PCDHGB6: variants seen among roughly 807,000 people sequenced by gnomAD.
The protein encoded by PCDHGB6 is protocadherin gamma subfamily B, 6.
In PCDHGB6, 51 loss-of-function variants were observed where a neutral mutation model predicts 59.1. That is an observed-to-expected ratio of 0.86 (90% CI 0.69 to 1.09). PCDHGB6 has a LOEUF of 1.09. PCDHGB6 is among the 50% of genes least tolerant of loss of function. The probability of loss-of-function intolerance (pLI) is 0.00; values close to 1 mark genes in which losing one functional copy is unlikely to be tolerated. For synonymous variants in PCDHGB6, 466 were observed against 495.1 expected, an observed-to-expected ratio of 0.94 and a Z score of 0.78; for missense variants, 1,148 against 1,205.1, an observed-to-expected ratio of 0.95 and a Z score of 0.70.
chr5:141,422,686 C>T, intron 1 of PCDHGB6: 1 of 1,605,000 alleles, frequency 6.2e-7, no homozygotes, highest in East Asian at 2.2e-5. Flanking sequence ...ACAGAATGCC[C>T]TGGTCACTTA....
Position 141,489,765 on chromosome 5 carries a change from C to A in PCDHGB6, c.2419-5042C>A. On this transcript the variant is annotated intron_variant, in intron 1 of 3. Transcript: ENST00000520790. The surrounding 1 kb of genome is among the most constrained non-coding windows in gnomAD (Gnocchi z 4.5). ...TGAGCTTTTACACTCTAAGCCCCAA[C>A]AGCCACTTCTCTCTGAATGTGAAGA... 2.5e-6 allele frequency: 4 copies of A among 1,614,174 alleles called. No individual in the cohort carries two copies. The highest frequency in any genetic ancestry group is 3.4e-6 in the Non-Finnish European group (4 of 1,179,992).
At chr5:141,426,826 T>C (rs2096963111) in intron 1 of PCDHGB6, 1 of 456,600 alleles carries the variant, frequency 2.2e-6, no homozygotes, top group Admixed American at 2.3e-5. Flanking sequence ...TCTCTGATGA[T>C]GGACAAGACT....
Position 141,408,176 on chromosome 5 carries a change from G to C in PCDHGB6, c.-27G>C. 6.5e-7 allele frequency: 1 copy of C among 1,533,992 alleles called. No homozygotes were observed. The highest frequency in any genetic ancestry group is 1.2e-5 in the South Asian group (1 of 81,530). ...TGCACTTTCTCCAACTGGAAAAGCG[G>C]GGACCCAGCGAGAACCCGAGCGAAC... On this transcript the variant is annotated 5_prime_UTR_variant, in exon 1 of 4. Transcript: ENST00000520790.
At chr5:141,460,912 GTA>G (rs34683754) in intron 1 of PCDHGB6, among the ~76,000 whole-genome samples, 12 of 149,310 alleles carry the variant, frequency 8.0e-5, no homozygotes, top group African/African-American at 7.4e-5. Flanking sequence ...ATTCCATGGT[GTA>G]TATATATATA....
At position 141,489,515 on chromosome 5, in the gene PCDHGB6, G is replaced by T; in HGVS notation, c.2419-5292G>T. ...CTGGCAGTGAATCAAAAGATTGACC[G>T]AGAAAGCCTATGTGGAGCCAGCACC... On this transcript the variant is annotated intron_variant, in intron 1 of 3. Coordinates refer to ENST00000520790, the MANE Select transcript of PCDHGB6 (RefSeq NM_018926.3). This position sits in a 1 kb window ranked among gnomAD's most constrained non-coding sequence, Gnocchi z 4.5. 4.3e-6 allele frequency: 7 copies of T among 1,614,104 alleles called. No individual in the cohort carries two copies. Among genetic ancestry groups the T allele is most frequent in the Non-Finnish European group, 5.9e-6 (7 of 1,180,034 alleles).
At chr5:141,419,306 C>T in intron 1 of PCDHGB6, 1 of 1,614,032 alleles carries the variant, frequency 6.2e-7, no homozygotes, top group Non-Finnish European at 8.5e-7. Context: ...AGACTTCGGG[C>T]TCAACGGCCG....
In PCDHGB6 at chr5:141,408,661, G is replaced by A. The variant is rs1462103250; in HGVS notation, c.459G>A (p.Ser153=). The part of the protein sequence containing the change: ...FESASAGTRL[S]LDPATDPDIN... ...CTGCATCCGCTGGTACACGACTATC[G>A]CTTGACCCTGCCACGGATCCTGATA... Residue 153 remains serine (S), a synonymous_variant, in exon 1 of 4, where the codon TCG becomes TCA. Coordinates refer to ENST00000520790, the MANE Select transcript of PCDHGB6 (RefSeq NM_018926.3). 1 of 1,613,770 alleles carries A rather than the reference G, an allele frequency of 6.2e-7. No homozygotes were observed. Among genetic ancestry groups the A allele is most frequent in the Non-Finnish European group, 8.5e-7 (1 of 1,179,870 alleles).
Position 141,489,172 on chromosome 5 carries a change from T to G in PCDHGB6, c.2419-5635T>G. 1 of 1,199,026 alleles carries G rather than the reference T, an allele frequency of 8.3e-7. No individual in the cohort carries two copies. Among genetic ancestry groups the G allele is most frequent in the East Asian group, 2.4e-5 (1 of 42,106 alleles). The allele number at this position is 1,199,026 out of a possible 1,614,324, so 74.3% of individuals were successfully genotyped here. ...ACATAAGAGACTTCAGCTGCTGCATTCCAAGCCCTGGGTCTACCTTGGAGA... is the reference window on the plus strand; with the variant it reads ...ACATAAGAGACTTCAGCTGCTGCATGCCAAGCCCTGGGTCTACCTTGGAGA... On this transcript the variant is annotated intron_variant, in intron 1 of 3. Coordinates refer to ENST00000520790, the MANE Select transcript of PCDHGB6 (RefSeq NM_018926.3). This position sits in a 1 kb window ranked among gnomAD's most constrained non-coding sequence, Gnocchi z 4.5.
chr5:141,431,464 G>A lies in PCDHGB6; in HGVS notation c.2418+20844G>A. The A allele has an allele frequency of 1.9e-6, 3 of 1,613,782 alleles. No individual in the cohort carries two copies. Among genetic ancestry groups the A allele is most frequent in the Non-Finnish European group, 1.7e-6 (2 of 1,179,972 alleles). ...GCATCCGCGTGATGGTTCTGGATGC[G>A]AACGACAACGCACCAGCGTTTGCTC... On this transcript the variant is annotated intron_variant, in intron 1 of 3. Coordinates refer to ENST00000520790, the MANE Select transcript of PCDHGB6 (RefSeq NM_018926.3). This position sits in a 1 kb window ranked among gnomAD's most constrained non-coding sequence, Gnocchi z 4.8.
rs534845593 is a variant in PCDHGB6, at chr5:141,478,216, G to A, written c.2419-16591G>A. On this transcript the variant is annotated intron_variant, in intron 1 of 3. Coordinates refer to ENST00000520790, the MANE Select transcript of PCDHGB6 (RefSeq NM_018926.3). ...TTTATCTACTTCTTTCTCTAATCCTGGTTTCTGTGGGGTTTGTGGTCACAG... is the reference window on the plus strand; with the variant it reads ...TTTATCTACTTCTTTCTCTAATCCTAGTTTCTGTGGGGTTTGTGGTCACAG... 414 of 1,614,090 alleles carry A rather than the reference G, an allele frequency of 2.6e-4. 9 individuals carry two copies. In the South Asian group the frequency reaches 4.4e-3, roughly 17 times the overall value.
chr5:141,483,786 C>T (rs2099587125), intron 1 of PCDHGB6, among the ~76,000 whole-genome samples: 1 of 152,136 alleles, frequency 6.6e-6, no homozygotes, highest in African/African-American at 2.4e-5. Context: ...AGGATAAGAA[C>T]TCCAGTTGTT....
At chr5:141,415,810 T>TATATATC in intron 1 of PCDHGB6, 1 of 1,360,418 alleles carries the variant, frequency 7.4e-7, no homozygotes, top group Non-Finnish European at 9.5e-7. Flanking sequence ...AATCAAGGCC[T>TATATATC]ATATATCATA....
At chr5:141,497,722 T>C (rs1395904793) in intron 2 of PCDHGB6, among the ~76,000 whole-genome samples, 1 of 152,030 alleles carries the variant, frequency 6.6e-6, no homozygotes, top group Non-Finnish European at 1.5e-5. Flanking sequence ...GTATTTTTAG[T>C]AGAGATGGGT....
chr5:141,413,601 A>T (rs2095657842), intron 1 of PCDHGB6: 1 of 1,613,814 alleles, frequency 6.2e-7, no homozygotes, highest in African/African-American at 1.3e-5. Flanking sequence ...CAGAAAATCT[A>T]GACGTAAAAA....
chr5:141,506,180 G>T (rs548366782), intron 3 of PCDHGB6, among the ~76,000 whole-genome samples: 44 of 152,294 alleles, frequency 2.9e-4, no homozygotes, highest in Non-Finnish European at 5.7e-4. Context: ...GCTGGGCGTG[G>T]TGGCTCACGC....
At position 141,467,151 on chromosome 5, in the gene PCDHGB6, C is replaced by T. The variant is rs527879624; in HGVS notation, c.2419-27656C>T. ...CACTGCAACCTCTGCCTCCCAGGTT[C>T]AAGTGATTCTCATCTCTCAGCCTCC... is the stretch of plus-strand genomic sequence containing the variant. On this transcript the variant is annotated intron_variant, in intron 1 of 3. Transcript: ENST00000520790. Among the ~76,000 whole-genome samples the T allele has an allele frequency of 4.0e-5, 6 of 151,660 alleles. No homozygotes were observed. In the East Asian group the frequency reaches 7.8e-4, roughly 20 times the overall value.
Position 141,476,934 on chromosome 5 carries a change from A to G in PCDHGB6, c.2419-17873A>G, listed in dbSNP as rs199685528. On this transcript the variant is annotated intron_variant, in intron 1 of 3. Transcript: ENST00000520790. The surrounding 1 kb of genome is among the most constrained non-coding windows in gnomAD (Gnocchi z 7.6). ...CAAGTCCTTGCAACGGATCTGGATG[A>G]AGGCCCCAACGGTGAAATTATTTAC... 255 of 1,614,164 alleles carry G rather than the reference A, an allele frequency of 1.6e-4. 3 individuals carry two copies. In the South Asian group the frequency reaches 2.6e-3, roughly 16 times the overall value.
In PCDHGB6 at chr5:141,463,735, C is replaced by T. The variant is rs1411988885; in HGVS notation, c.2419-31072C>T. On this transcript the variant is annotated intron_variant, in intron 1 of 3. Coordinates refer to ENST00000520790, the MANE Select transcript of PCDHGB6 (RefSeq NM_018926.3). ...TGCTGGGATTACAGGCATGAGCCAC[C>T]GCGCCCGGCCTGCTTCTCTTCTCTT... 3.3e-5 allele frequency among the ~76,000 whole-genome samples: 5 copies of T among 152,100 alleles called. No individual in the cohort carries two copies. The East Asian group carries it at 7.8e-4, about 24-fold the overall frequency.
Position 141,486,369 on chromosome 5 carries a change from C to A in PCDHGB6, c.2419-8438C>A. On this transcript the variant is annotated intron_variant, in intron 1 of 3. Coordinates refer to ENST00000520790, the MANE Select transcript of PCDHGB6 (RefSeq NM_018926.3). This position sits in a 1 kb window ranked among gnomAD's most constrained non-coding sequence, Gnocchi z 5.0. ...GACCACTTGCCATTTGCCCTCAAGT[C>A]TGCCTTCAGGAACCAGTTCTCCCTG... 6.2e-7 allele frequency: 1 copy of A among 1,614,128 alleles called. No individual in the cohort carries two copies. Among genetic ancestry groups the A allele is most frequent in the African/African-American group, 1.3e-5 (1 of 75,048 alleles).
Sources: allele counts gnomAD v4.1 joint callset (sites outside exome capture counted in the v4.1 genomes callset), GRCh38; gene constraint gnomAD v4.1.1; non-coding constraint Gnocchi (gnomAD v3.1); transcripts MANE v1.5; gene names NCBI Gene and HGNC (gene_info 2026-07-23, HGNC 2026-07-21).